Variants in ADGRL2 observed in about 807,000 individuals in gnomAD.
The protein encoded by ADGRL2 is adhesion G protein-coupled receptor L2, also known as calcium-independent alpha-latrotoxin receptor 2.
ADGRL2 carries 44 observed loss-of-function variants against 157.4 expected under a neutral mutation model. The observed-to-expected ratio is 0.28, with a 90% CI of 0.22 to 0.36. The LOEUF (loss-of-function observed/expected upper bound fraction) is 0.36, where lower values mean the gene tolerates loss of function less well. ADGRL2 is among the 10% of genes least tolerant of loss of function. The pLI is 1.00. For missense variants in ADGRL2, 1,510 were observed against 1,768.9 expected (o/e 0.85, Z 2.63); for synonymous variants, 585 against 624.7 (o/e 0.94, Z 0.95).
intron 1 of ADGRL2, among the ~76,000 whole-genome samples, chr1:81,341,022 T>C (rs1662035220): frequency 6.6e-6 from 1 of 152,090 alleles, no homozygotes; most frequent in Non-Finnish European, 1.5e-5. Context: ...CCCAATCATA[T>C]GTTTGAAACC....
intron 2 of ADGRL2, among the ~76,000 whole-genome samples, chr1:81,564,466 G>A (rs1039969476): frequency 2.6e-5 from 4 of 152,192 alleles, no homozygotes; most frequent in Middle Eastern, 3.4e-3. Flanking sequence ...TTGGACTAAC[G>A]GTCTCATTTT....
intron 2 of ADGRL2, among the ~76,000 whole-genome samples, chr1:81,781,360 CT>C (rs545277291): frequency 1.2e-3 from 189 of 152,214 alleles, no homozygotes; most frequent in Admixed American, 3.5e-3. Context: ...ATTCTGCCCC[CT>C]ATCTTGCTTT....
chr1:81,980,434 G>A (rs1365209728), intron 18 of ADGRL2, among the ~76,000 whole-genome samples: 1 of 151,454 alleles, frequency 6.6e-6, no homozygotes, highest in Non-Finnish European at 1.5e-5. Context: ...TCTTAATGTT[G>A]AATAAAAGCT....
chr1:81,408,514 A>C (rs1570884561), intron 1 of ADGRL2, among the ~76,000 whole-genome samples: 1 of 58,184 alleles, frequency 1.7e-5, no homozygotes, highest in Admixed American at 2.1e-4. Context: ...ATTAATTAAG[A>C]TGAGTTCAAC....
chr1:81,714,601 A>G (rs1054886421), intron 1 of ADGRL2, among the ~76,000 whole-genome samples: 3 of 152,216 alleles, frequency 2.0e-5, no homozygotes, highest in South Asian at 2.1e-4. Context: ...GTCAGGCACA[A>G]AACTCTAAAG....
intron 2 of ADGRL2, among the ~76,000 whole-genome samples, chr1:81,768,722 C>T (rs1224530736): frequency 6.6e-6 from 1 of 152,154 alleles, no homozygotes; most frequent in Non-Finnish European, 1.5e-5. Context: ...ATCCTCCTGC[C>T]TTAGCCTCTC....
intron 1 of ADGRL2, among the ~76,000 whole-genome samples, chr1:81,433,551 G>C (rs1445469390): frequency 6.6e-6 from 1 of 152,190 alleles, no homozygotes; most frequent in Non-Finnish European, 1.5e-5. Context: ...GGGTTAGGCT[G>C]TTTTGGGGAG....
intron 1 of ADGRL2, among the ~76,000 whole-genome samples, chr1:81,400,778 A>G (rs1403391701): frequency 6.6e-6 from 1 of 152,038 alleles, no homozygotes; most frequent in East Asian, 1.9e-4. Flanking sequence ...ACTCCCTAGA[A>G]AGAAGGGTAT....
intron 1 of ADGRL2, among the ~76,000 whole-genome samples, chr1:81,383,254 TA>T (rs1355299857): frequency 6.6e-6 from 1 of 152,192 alleles, no homozygotes; most frequent in African/African-American, 2.4e-5. Flanking sequence ...TTCCTGTGTA[TA>T]AAAGTGATAG....
chr1:81,913,688 A>AT (rs1192421787), intron 3 of ADGRL2, among the ~76,000 whole-genome samples: 2 of 152,280 alleles, frequency 1.3e-5, no homozygotes, highest in South Asian at 4.1e-4. Context: ...CTTAGTTCAC[A>AT]TAGCTACATG....
chr1:81,444,609 G>A (rs1195609723), intron 1 of ADGRL2, among the ~76,000 whole-genome samples: 1 of 152,160 alleles, frequency 6.6e-6, no homozygotes, highest in Non-Finnish European at 1.5e-5. Flanking sequence ...CCGAAGAATG[G>A]TGGCAGCTTT....
At chr1:81,745,277 G>A (rs1035540747) in intron 1 of ADGRL2, among the ~76,000 whole-genome samples, 2 of 152,146 alleles carry the variant, frequency 1.3e-5, no homozygotes, top group African/African-American at 4.8e-5. Flanking sequence ...TCTCTCTCTT[G>A]ATCTTTCTCT....
At chr1:81,768,972 C>T (rs1422352504) in intron 2 of ADGRL2, among the ~76,000 whole-genome samples, 1 of 152,096 alleles carries the variant, frequency 6.6e-6, no homozygotes, top group Non-Finnish European at 1.5e-5. Flanking sequence ...GTAATCCCAA[C>T]TACTTGGGAG....
At chr1:81,471,353 T>A (rs1281497460) in intron 2 of ADGRL2, among the ~76,000 whole-genome samples, 1 of 152,180 alleles carries the variant, frequency 6.6e-6, no homozygotes, top group East Asian at 1.9e-4. Context: ...TGCCCATTTT[T>A]CATTCAGGAG....
rs944044613 is a variant in ADGRL2, at chr1:81,888,539, C to A, written c.74-18478C>A. Reference sequence around the variant, plus strand: ...CTGCAAGCTCTGCCTCCTGGGTTCACGCCATTCTCCCGCCTCAGCCTCCCG... The same window carrying A: ...CTGCAAGCTCTGCCTCCTGGGTTCAAGCCATTCTCCCGCCTCAGCCTCCCG... On this transcript the variant is annotated intron_variant, in intron 2 of 23. Coordinates refer to ENST00000686636, the MANE Select transcript of ADGRL2 (RefSeq NM_001366006.2). Among the ~76,000 whole-genome samples the A allele has an allele frequency of 9.9e-5, 15 of 152,164 alleles. No homozygotes were observed. In the South Asian group the frequency reaches 1.2e-3, roughly 13 times the overall value.
Position 81,502,356 on chromosome 1 carries a change from A to G in ADGRL2, c.-248+57267A>G, listed in dbSNP as rs2078871593. 4.3e-5 allele frequency: 69 copies of G among 1,614,030 alleles called. 1 individual carries two copies. In the South Asian group the frequency reaches 7.1e-4, roughly 17 times the overall value. ...CAGAATGGTGGTTTGGCCTGGAGTGATGATGCAGATGGAGGCCGGGGAAGA... is the reference window on the plus strand; with the variant it reads ...CAGAATGGTGGTTTGGCCTGGAGTGGTGATGCAGATGGAGGCCGGGGAAGA... On this transcript the variant is annotated intron_variant, in intron 2 of 24. Transcript: ENST00000370721.
chr1:81,799,137 G>C (rs2087742873), upstream of ADGRL2, among the ~76,000 whole-genome samples: 2 of 152,100 alleles, frequency 1.3e-5, no homozygotes, highest in Admixed American at 6.5e-5. Flanking sequence ...ATTTAATTTT[G>C]CTAGGTAGAT....
At chr1:81,989,760 C>A in intron 23 of ADGRL2, 1 of 1,596,676 alleles carries the variant, frequency 6.3e-7, no homozygotes, top group Non-Finnish European at 8.5e-7. Context: ...TGCTTGTGGG[C>A]CCCTGGTCCA....
intron 2 of ADGRL2, among the ~76,000 whole-genome samples, chr1:81,844,116 T>C (rs971297443): frequency 6.6e-6 from 1 of 152,148 alleles, no homozygotes; most frequent in Non-Finnish European, 1.5e-5. Context: ...ATTTAGTAAA[T>C]AAATTTGTTT....
Sources: allele counts gnomAD v4.1 joint callset (sites outside exome capture counted in the v4.1 genomes callset), GRCh38; gene constraint gnomAD v4.1.1; transcripts MANE v1.5; gene names NCBI Gene and HGNC (gene_info 2026-07-23, HGNC 2026-07-21).